The following RSU1 variants were observed in gnomAD, a reference collection of about 807,000 sequenced individuals.
RSU1 encodes Ras suppressor protein 1.
Under a neutral mutation model 31.1 loss-of-function variants are expected in RSU1, and 26 were observed. The observed-to-expected ratio is 0.84, with a 90% CI of 0.61 to 1.16. The LOEUF (loss-of-function observed/expected upper bound fraction) is 1.16. RSU1 is among the 50% of genes most tolerant of loss of function. The pLI is 0.00. For missense variants in RSU1, 320 were observed against 339.1 expected, an observed-to-expected ratio of 0.94 and a Z score of 0.44; for synonymous variants, 164 against 136.3, an observed-to-expected ratio of 1.20 and a Z score of -1.41.
intron 7 of RSU1, among the ~76,000 whole-genome samples, chr10:16,697,532 T>C (rs528937201): frequency 6.6e-6 from 1 of 151,988 alleles, no homozygotes; most frequent in African/African-American, 2.4e-5. Flanking sequence ...GGCACAGTGG[T>C]GCGCACCTGT....
At chr10:16,747,544 C>T (rs1300621846) in intron 7 of RSU1, among the ~76,000 whole-genome samples, 3 of 152,162 alleles carry the variant, frequency 2.0e-5, no homozygotes, top group Non-Finnish European at 4.4e-5. Flanking sequence ...TCACCAATTC[C>T]TGTTAGTTTT....
intron 2 of RSU1, among the ~76,000 whole-genome samples, chr10:16,812,356 C>T (rs955032003): frequency 2.6e-5 from 4 of 152,180 alleles, no homozygotes; most frequent in Admixed American, 6.5e-5. Flanking sequence ...GCAGGAGAAT[C>T]GCTTGAACCC....
At chr10:16,754,041 A>G (rs1021845476) in intron 5 of RSU1, among the ~76,000 whole-genome samples, 4 of 152,206 alleles carry the variant, frequency 2.6e-5, no homozygotes, top group African/African-American at 9.7e-5. Context: ...TGTTAATATA[A>G]CATAATAAAA....
chr10:16,605,034 G>C (rs1333623441), intron 8 of RSU1, among the ~76,000 whole-genome samples: 18 of 152,238 alleles, frequency 1.2e-4, no homozygotes, highest in Admixed American at 1.2e-3. Context: ...GGGACGGAGA[G>C]AGACTGGGCC....
intron 8 of RSU1, among the ~76,000 whole-genome samples, chr10:16,668,808 C>G (rs1373284631): frequency 1.3e-5 from 2 of 152,180 alleles, no homozygotes; most frequent in Non-Finnish European, 2.9e-5. Context: ...GTGGTTTACA[C>G]TTTTCCCACT....
intron 8 of RSU1, among the ~76,000 whole-genome samples, chr10:16,633,186 A>T (rs1017857108): frequency 3.9e-5 from 6 of 152,056 alleles, no homozygotes; most frequent in African/African-American, 1.4e-4. Context: ...GTCTCCAGAG[A>T]GCGCCAAGTG....
chr10:16,791,635 CAA>C (rs553951655), intron 2 of RSU1, among the ~76,000 whole-genome samples: 30,524 of 98,602 alleles, frequency 0.31, 2,918 homozygotes, highest in Middle Eastern at 0.36. Context: ...CTCAAAAAAA[CAA>C]AAAAAAAAAA....
intron 7 of RSU1, 99 bp downstream of exon 7, chr10:16,752,440 T>C (rs1836997449): frequency 1.2e-5 from 10 of 809,888 alleles, no homozygotes; most frequent in South Asian, 9.2e-5. Flanking sequence ...AGGTGGAGAG[T>C]AGTTGCCAAG....
intron 8 of RSU1, among the ~76,000 whole-genome samples, chr10:16,673,651 T>C (rs1835164364): frequency 1.3e-5 from 2 of 152,154 alleles, no homozygotes; most frequent in South Asian, 2.1e-4. Context: ...CAGGTCAGGC[T>C]CCATCTCAAA....
chr10:16,616,237 C>T (rs1833973827), intron 8 of RSU1, among the ~76,000 whole-genome samples: 2 of 151,904 alleles, frequency 1.3e-5, no homozygotes, highest in African/African-American at 2.4e-5. Flanking sequence ...TCTACTAAAA[C>T]TAGAAAATCT....
At chr10:16,733,787 G>A (rs542021955) in intron 7 of RSU1, among the ~76,000 whole-genome samples, 1 of 152,312 alleles carries the variant, frequency 6.6e-6, no homozygotes, top group East Asian at 1.9e-4. Context: ...AGAAGAACAA[G>A]CTGAATCTTT....
At chr10:16,650,802 T>G (rs1009052772) in intron 8 of RSU1, among the ~76,000 whole-genome samples, 2 of 152,030 alleles carry the variant, frequency 1.3e-5, no homozygotes, top group African/African-American at 4.8e-5. Context: ...AGGATGGTCT[T>G]GATCTCCTGA....
chr10:16,805,153 G>A (rs564231715), intron 2 of RSU1, among the ~76,000 whole-genome samples: 3 of 152,124 alleles, frequency 2.0e-5, no homozygotes, highest in African/African-American at 7.2e-5. Context: ...GCTGCAGTGA[G>A]CCCAGATCAC....
chr10:16,599,872 C>T (rs372066272), intron 8 of RSU1, among the ~76,000 whole-genome samples: 11 of 152,158 alleles, frequency 7.2e-5, no homozygotes, highest in Non-Finnish European at 1.0e-4. Context: ...CACTGCCACT[C>T]GGCTATGACA....
At chr10:16,777,473 T>C (rs1837557242) in intron 3 of RSU1, among the ~76,000 whole-genome samples, 1 of 152,176 alleles carries the variant, frequency 6.6e-6, no homozygotes, top group Non-Finnish European at 1.5e-5. Context: ...TTACCTTAAA[T>C]GTGGTAAAAA....
At chr10:16,790,985 C>T (rs987026485) in intron 2 of RSU1, among the ~76,000 whole-genome samples, 1 of 152,124 alleles carries the variant, frequency 6.6e-6, no homozygotes, top group African/African-American at 2.4e-5. Flanking sequence ...TTCTTTATAG[C>T]AGTGTGAGAA....
intron 8 of RSU1, among the ~76,000 whole-genome samples, chr10:16,690,343 T>C (rs1237929217): frequency 6.6e-6 from 1 of 152,174 alleles, no homozygotes; most frequent in Non-Finnish European, 1.5e-5. Context: ...CATAATTTCA[T>C]GTTAACCGGC....
At chr10:16,694,143 G>A (rs1334276666) in intron 8 of RSU1, among the ~76,000 whole-genome samples, 2 of 152,156 alleles carry the variant, frequency 1.3e-5, no homozygotes, top group Non-Finnish European at 2.9e-5. Context: ...GAAGAAAGAA[G>A]CAGGAATCGT....
chr10:16,685,663 C>T (rs1321673995), intron 8 of RSU1, among the ~76,000 whole-genome samples: 1 of 151,844 alleles, frequency 6.6e-6, no homozygotes, highest in African/African-American at 2.4e-5. Context: ...TGGCCAGCTT[C>T]TTTACTGCAA....
Sources: allele counts gnomAD v4.1 joint callset (sites outside exome capture counted in the v4.1 genomes callset), GRCh38; gene constraint gnomAD v4.1.1; transcripts MANE v1.5; gene names NCBI Gene and HGNC (gene_info 2026-07-23, HGNC 2026-07-21).